The following DLG5 variants were observed in gnomAD, a reference collection of about 807,000 sequenced individuals.
The protein encoded by DLG5 is disks large homolog 5.
In DLG5, 48 loss-of-function variants were observed where a neutral mutation model predicts 189.8. The ratio of observed to expected loss-of-function variants is 0.25; its 90% CI spans 0.20 to 0.32. The LOEUF (loss-of-function observed/expected upper bound fraction) is 0.32. Among genes scored for constraint, DLG5 ranks in the 10% least tolerant of loss-of-function variants. The pLI is 1.00. For synonymous variants in DLG5, 1,016 were observed against 1,054.1 expected (o/e 0.96, Z 0.70); for missense variants, 2,160 against 2,544.7 (o/e 0.85, Z 3.25).
chr10:77,872,889 C>T (rs1178734771), intron 1 of DLG5, among the ~76,000 whole-genome samples: 1 of 152,026 alleles, frequency 6.6e-6, no homozygotes. Context: ...CTCCTGAAGG[C>T]ACCTCCACCC....
chr10:77,879,019 T>G (rs1193505522), intron 1 of DLG5, among the ~76,000 whole-genome samples: 1 of 152,202 alleles, frequency 6.6e-6, no homozygotes, highest in Non-Finnish European at 1.5e-5. Flanking sequence ...GACAAATCCC[T>G]GCCCTCATGG....
intron 1 of DLG5, among the ~76,000 whole-genome samples, chr10:77,886,716 C>A (rs1021987041): frequency 6.6e-6 from 1 of 152,160 alleles, no homozygotes; most frequent in African/African-American, 2.4e-5. Context: ...AAAGCCCTAA[C>A]CCCTTCTGCA....
At chr10:77,866,150 C>G (rs972098779) in intron 2 of DLG5, among the ~76,000 whole-genome samples, 4 of 152,182 alleles carry the variant, frequency 2.6e-5, no homozygotes, top group Admixed American at 1.3e-4. Flanking sequence ...GCTGAGCCAG[C>G]AGGAACTCCC....
At chr10:77,830,592 A>C in intron 10 of DLG5, 149 bp downstream of exon 10, 1 of 1,334,476 alleles carries the variant, frequency 7.5e-7, no homozygotes, top group Non-Finnish European at 1.0e-6. Context: ...CAGCCTGGAC[A>C]GCTGCTGGGA....
chr10:77,837,689 A>G (rs1031841433), intron 7 of DLG5, among the ~76,000 whole-genome samples: 4 of 152,232 alleles, frequency 2.6e-5, no homozygotes, highest in African/African-American at 9.7e-5. Flanking sequence ...GAACCGCAGG[A>G]TCTAGAAGTG....
chr10:77,866,780 T>C, intron 2 of DLG5: 2 of 358,998 alleles, frequency 5.6e-6, no homozygotes, highest in South Asian at 4.1e-5. Flanking sequence ...CTGGCTGACC[T>C]CAGCACAGCC....
intron 1 of DLG5, among the ~76,000 whole-genome samples, chr10:77,920,983 C>T (rs1006004388): frequency 5.9e-5 from 9 of 152,202 alleles, no homozygotes; most frequent in Admixed American, 3.9e-4. Flanking sequence ...CTGCCCTTCA[C>T]TTAAAAACCT....
intron 1 of DLG5, among the ~76,000 whole-genome samples, chr10:77,873,030 T>TGTGTGTGC (rs139841331): frequency 8.6e-4 from 91 of 105,516 alleles, no homozygotes; most frequent in African/African-American, 3.2e-3. Context: ...TGTGTGTGTG[T>TGTGTGTGC]GCACACACAC....
rs761256472 is a variant in DLG5, at chr10:77,821,664, G to C, written c.2820C>G (p.Gly940=). 6.8e-6 allele frequency: 11 copies of C among 1,612,992 alleles called. No individual in the cohort carries two copies. Among genetic ancestry groups the C allele is most frequent in the Middle Eastern group, 3.3e-4 (2 of 6,084 alleles). ...TGGGCCAGGTCCCGCCGCTGTTGGA[G>C]CCTTCAGAGTCTGCCTTGTCCAGGG... The part of the protein sequence containing the change: ...EASLDKADSE[G]SNSGGTWPKA... Residue 940 remains glycine, a synonymous_variant, in exon 15 of 32, where the codon GGC becomes GGG. Transcript: ENST00000372391.
chr10:77,871,551 T>A (rs1010301837), intron 1 of DLG5, among the ~76,000 whole-genome samples: 5 of 142,394 alleles, frequency 3.5e-5, no homozygotes, highest in African/African-American at 1.3e-4. Flanking sequence ...TTTTTTTTTT[T>A]TTTTTTTTTG....
chr10:77,906,625 T>TC (rs1472638734), intron 1 of DLG5, among the ~76,000 whole-genome samples: 3 of 146,822 alleles, frequency 2.0e-5, no homozygotes, highest in Non-Finnish European at 4.5e-5. Context: ...CACTTTTTTT[T>TC]TTTTTTTTTT....
intron 1 of DLG5, among the ~76,000 whole-genome samples, chr10:77,875,743 C>T (rs958672932): frequency 6.6e-6 from 1 of 152,022 alleles, no homozygotes; most frequent in Non-Finnish European, 1.5e-5. Context: ...GGCTCATATC[C>T]TACTATTAGG....
At chr10:77,913,753 A>T (rs910629924) in intron 1 of DLG5, among the ~76,000 whole-genome samples, 3 of 151,718 alleles carry the variant, frequency 2.0e-5, no homozygotes, top group African/African-American at 7.3e-5. Flanking sequence ...TTGCTCAGCT[A>T]ATTTTTTTTT....
intron 1 of DLG5, among the ~76,000 whole-genome samples, chr10:77,918,366 C>T (rs7905295): frequency 0.11 from 16,116 of 151,670 alleles, 1,806 homozygotes; most frequent in African/African-American, 0.27. Context: ...GAGCCGAGAT[C>T]GCACCATTGC....
At chr10:77,917,350 A>AG (rs1413602932) in intron 1 of DLG5, among the ~76,000 whole-genome samples, 1 of 151,822 alleles carries the variant, frequency 6.6e-6, no homozygotes, top group Non-Finnish European at 1.5e-5. Context: ...TCAAAAAAAA[A>AG]CAAACAAACA....
At chr10:77,802,621 T>C (rs1172668153) in intron 27 of DLG5, among the ~76,000 whole-genome samples, 1 of 152,236 alleles carries the variant, frequency 6.6e-6, no homozygotes, top group East Asian at 1.9e-4. Flanking sequence ...GACAGTGCCT[T>C]GCGCCTGTAA....
At chr10:77,900,703 G>A (rs1373617050) in intron 1 of DLG5, among the ~76,000 whole-genome samples, 6 of 152,260 alleles carry the variant, frequency 3.9e-5, no homozygotes, top group East Asian at 1.9e-4. Context: ...TTGGGAGGCC[G>A]AGGCAGGCAT....
At chr10:77,815,913 G>C in intron 20 of DLG5, 1 of 362,314 alleles carries the variant, frequency 2.8e-6, no homozygotes, top group South Asian at 2.1e-5. Flanking sequence ...GGGGGTGACG[G>C]ATTCCATGGA....
chr10:77,895,029 T>C (rs975339066), intron 1 of DLG5, among the ~76,000 whole-genome samples: 1 of 152,172 alleles, frequency 6.6e-6, no homozygotes, highest in African/African-American at 2.4e-5. Context: ...TTATGAGAGG[T>C]GGACATGGGT....
Sources: gnomAD v4.1 joint callset for allele counts (sites outside exome capture counted in the v4.1 genomes callset) on GRCh38, gnomAD v4.1.1 for gene constraint, MANE v1.5 for transcripts, NCBI Gene and HGNC (gene_info 2026-07-23, HGNC 2026-07-21) for gene names.